TOGARAM2: variants seen among roughly 807,000 people sequenced by gnomAD.
TOGARAM2 encodes TOG array regulator of axonemal microtubules protein 2.
A neutral mutation model predicts 93.3 loss-of-function variants in TOGARAM2; 85 were observed. The ratio of observed to expected loss-of-function variants is 0.91; its 90% CI spans 0.76 to 1.09. The LOEUF (loss-of-function observed/expected upper bound fraction) is 1.09, where lower values mean the gene tolerates loss of function less well. Among genes scored for constraint, TOGARAM2 ranks in the 50% least tolerant of loss-of-function variants. The pLI is 0.00. For missense variants in TOGARAM2, 1,277 were observed against 1,334.5 expected (o/e 0.96, Z 0.67); for synonymous variants, 593 against 552.8 (o/e 1.07, Z -1.02).
At chr2:28,965,064 C>A (rs1465713344) in intron 1 of TOGARAM2, among the ~76,000 whole-genome samples, 1 of 152,208 alleles carries the variant, frequency 6.6e-6, no homozygotes, top group South Asian at 2.1e-4. Flanking sequence ...GGAATCCCCA[C>A]ACCCTCTTCC....
intron 1 of TOGARAM2, among the ~76,000 whole-genome samples, chr2:28,960,974 G>A (rs1380119019): frequency 1.3e-5 from 2 of 152,156 alleles, no homozygotes; most frequent in Admixed American, 6.6e-5. Flanking sequence ...CTTCATACCG[G>A]AACACACCAA....
chr2:29,024,189 A>T lies in TOGARAM2; in HGVS notation c.1668A>T (p.Gly556=). The change falls in exon 13 of 20, where the codon GGA becomes GGT. Residue 556 remains glycine, a synonymous_variant. Coordinates refer to ENST00000379558, the MANE Select transcript of TOGARAM2 (RefSeq NM_199280.4). ...CTCACCTGGCCATCAGCACCTTGGGAGACCTCTTCCAGGCCTTGAAGAAGA... is the reference window on the plus strand; with the variant it reads ...CTCACCTGGCCATCAGCACCTTGGGTGACCTCTTCCAGGCCTTGAAGAAGA... ...KVSHLAISTL[G]DLFQALKKNM... 2 of 1,602,678 alleles carry T rather than the reference A, an allele frequency of 1.2e-6. No individual in the cohort carries two copies. The highest frequency in any genetic ancestry group is 1.7e-6 in the Non-Finnish European group (2 of 1,174,468).
chr2:29,008,439 C>A (rs1461421840), intron 6 of TOGARAM2, among the ~76,000 whole-genome samples: 1 of 148,162 alleles, frequency 6.7e-6, no homozygotes. Context: ...GCGTGAGCCA[C>A]TGCACCCAGC....
intron 1 of TOGARAM2, among the ~76,000 whole-genome samples, chr2:28,991,393 T>C (rs1296494067): frequency 1.3e-5 from 2 of 152,028 alleles, no homozygotes; most frequent in Admixed American, 1.3e-4. Context: ...GTGGGGGCCA[T>C]GTTTTTGGTT....
intron 1 of TOGARAM2, among the ~76,000 whole-genome samples, chr2:28,974,442 G>C (rs1671997379): frequency 6.6e-6 from 1 of 151,962 alleles, no homozygotes. Flanking sequence ...GGGGTGCTTG[G>C]CTTCTTGGAT....
chr2:29,021,105 G>T (rs897412667), intron 10 of TOGARAM2, among the ~76,000 whole-genome samples: 7 of 152,138 alleles, frequency 4.6e-5, no homozygotes, highest in Admixed American at 3.9e-4. Context: ...GTAAAGACAG[G>T]GTTTCACCAT....
upstream of TOGARAM2, among the ~76,000 whole-genome samples, chr2:28,977,023 G>C (rs990104479): frequency 3.9e-5 from 6 of 152,140 alleles, no homozygotes; most frequent in Admixed American, 6.5e-5. Flanking sequence ...ACCTGGGGGG[G>C]CGTGGCCTGT....
chr2:28,980,442 G>C (rs1672134469), upstream of TOGARAM2, among the ~76,000 whole-genome samples: 1 of 152,236 alleles, frequency 6.6e-6, no homozygotes, highest in South Asian at 2.1e-4. Context: ...AGAATATGGG[G>C]AGGAGCTGCC....
Position 29,017,907 on chromosome 2 carries a change from C to T in TOGARAM2, c.1311C>T (p.Pro437=). 1 of 1,612,004 alleles carries T rather than the reference C, an allele frequency of 6.2e-7. No homozygotes were observed. Among genetic ancestry groups the T allele is most frequent in the Non-Finnish European group, 8.5e-7 (1 of 1,179,200 alleles). Residue 437 remains proline, a synonymous_variant, in exon 10 of 20, where the codon CCC becomes CCT. Transcript: ENST00000379558. ...LRKWASRASL[P]SIPISRQEPR... is the part of the protein sequence containing the mutation. ...AGTGGGCCAGCCGGGCCTCCCTGCC[C>T]AGCATCCCCATCAGCCGGCAGGAGC... is the stretch of plus-strand genomic sequence containing the variant.
At chr2:28,968,946 T>C (rs910523551) in intron 1 of TOGARAM2, among the ~76,000 whole-genome samples, 37 of 151,868 alleles carry the variant, frequency 2.4e-4, no homozygotes, top group African/African-American at 8.7e-4. Flanking sequence ...CTGTGATCGC[T>C]GTCAGTATTT....
intron 7 of TOGARAM2, among the ~76,000 whole-genome samples, chr2:29,013,404 A>G (rs1036783875): frequency 6.6e-6 from 1 of 152,210 alleles, no homozygotes; most frequent in African/African-American, 2.4e-5. Flanking sequence ...ACACGATTAC[A>G]AGGTGAAGTC....
intron 1 of TOGARAM2, among the ~76,000 whole-genome samples, chr2:28,967,652 T>C (rs1255446247): frequency 1.3e-5 from 2 of 152,132 alleles, no homozygotes; most frequent in East Asian, 1.9e-4. Flanking sequence ...GAAAAAGCAC[T>C]GATTAGAGGG....
intron 6 of TOGARAM2, among the ~76,000 whole-genome samples, chr2:29,005,310 G>GGGGT (rs1553338863): frequency 7.2e-6 from 1 of 138,366 alleles, no homozygotes; most frequent in Non-Finnish European, 1.5e-5. Context: ...GTGTGTGTGG[G>GGGGT]GTATGTGTGC....
intron 1 of TOGARAM2, among the ~76,000 whole-genome samples, chr2:28,958,289 C>A (rs1437727208): frequency 6.6e-6 from 1 of 151,392 alleles, no homozygotes; most frequent in African/African-American, 2.4e-5. Flanking sequence ...TTCTCCCTCA[C>A]TAGACCTTGT....
At chr2:29,010,352 C>T (rs376062971) in intron 6 of TOGARAM2, among the ~76,000 whole-genome samples, 11 of 152,138 alleles carry the variant, frequency 7.2e-5, no homozygotes, top group African/African-American at 2.4e-4. Context: ...TTACTATCTC[C>T]AGCCCACACG....
chr2:28,996,272 A>G (rs1009049744), intron 2 of TOGARAM2, among the ~76,000 whole-genome samples: 2 of 152,154 alleles, frequency 1.3e-5, no homozygotes, highest in African/African-American at 2.4e-5. Context: ...AATTCTAGCT[A>G]TTTTGAATTA....
intron 18 of TOGARAM2, among the ~76,000 whole-genome samples, chr2:29,041,231 C>T (rs1666417822): frequency 6.6e-6 from 1 of 152,102 alleles, no homozygotes; most frequent in Non-Finnish European, 1.5e-5. Flanking sequence ...ACCATGTTGG[C>T]CAGGCTAGTC....
intron 14 of TOGARAM2, among the ~76,000 whole-genome samples, chr2:29,031,682 T>C (rs1438435991): frequency 6.6e-6 from 1 of 152,218 alleles, no homozygotes; most frequent in Non-Finnish European, 1.5e-5. Flanking sequence ...AAGCAATCAC[T>C]AAGAACTTTA....
chr2:29,031,606 T>C (rs990935198), intron 14 of TOGARAM2, among the ~76,000 whole-genome samples: 4 of 152,212 alleles, frequency 2.6e-5, no homozygotes, highest in Non-Finnish European at 5.9e-5. Context: ...TCAGTGGATA[T>C]CCATTAGATA....
Sources: allele counts gnomAD v4.1 joint callset (sites outside exome capture counted in the v4.1 genomes callset), GRCh38; gene constraint gnomAD v4.1.1; transcripts MANE v1.5; gene names NCBI Gene and HGNC (gene_info 2026-07-23, HGNC 2026-07-21).